The following QTGAL variants were observed in gnomAD, a reference collection of about 807,000 sequenced individuals.
The protein encoded by QTGAL is queuosine-tRNA galactosyltransferase.
the QTGAL span, among the ~76,000 whole-genome samples, chr17:82,958,606 G>C: frequency 6.6e-6 from 1 of 152,170 alleles, no homozygotes; most frequent in Non-Finnish European, 1.5e-5. Context: ...CAATGGGATG[G>C]GGGGGATGGG....
At chr17:83,028,664 A>G in the QTGAL span, among the ~76,000 whole-genome samples, 35,672 of 152,168 alleles carry the variant, frequency 0.23, 4,264 homozygotes, top group African/African-American at 0.28. Flanking sequence ...CGCAGAGCCC[A>G]CACTCTGCTG....
the QTGAL span, among the ~76,000 whole-genome samples, chr17:83,044,945 C>CAA: frequency 1.1e-3 from 149 of 131,820 alleles, no homozygotes; most frequent in South Asian, 9.3e-3. Flanking sequence ...GACTCTGTCT[C>CAA]AAAAAAAAAA....
At chr17:83,043,257 G>A in the QTGAL span, among the ~76,000 whole-genome samples, 18,214 of 152,170 alleles carry the variant, frequency 0.12, 1,205 homozygotes, top group African/African-American at 0.18. Context: ...TCCAGGACAG[G>A]TGACACGTCC....
chr17:83,044,565 C>T, the QTGAL span, among the ~76,000 whole-genome samples: 13 of 152,358 alleles, frequency 8.5e-5, no homozygotes, highest in African/African-American at 3.1e-4. Flanking sequence ...TTTTCCCCTA[C>T]AATTGCTTGG....
the QTGAL span, among the ~76,000 whole-genome samples, chr17:82,965,281 G>A: frequency 6.6e-6 from 1 of 151,382 alleles, no homozygotes; most frequent in South Asian, 2.1e-4. Flanking sequence ...GTGCACCCCC[G>A]GGGGGAGGAT....
the QTGAL span, among the ~76,000 whole-genome samples, chr17:83,034,640 G>A: frequency 2.6e-5 from 4 of 152,186 alleles, no homozygotes; most frequent in African/African-American, 9.7e-5. Context: ...CAATTCCCAC[G>A]TGTCGTGGGA....
At chr17:83,048,539 C>G in the QTGAL span, 1 of 1,614,120 alleles carries the variant, frequency 6.2e-7, no homozygotes. Flanking sequence ...CAGCTTCACT[C>G]TCCATTTTTC....
the QTGAL span, among the ~76,000 whole-genome samples, chr17:83,034,879 T>C: frequency 6.6e-6 from 1 of 152,268 alleles, no homozygotes; most frequent in Non-Finnish European, 1.5e-5. Flanking sequence ...GTCTCGGCTA[T>C]GTCCTCATCA....
the QTGAL span, among the ~76,000 whole-genome samples, chr17:82,951,327 A>G: frequency 6.6e-6 from 1 of 152,198 alleles, no homozygotes; most frequent in African/African-American, 2.4e-5. Context: ...CATATTACGG[A>G]GACGGCTTCT....
At chr17:83,013,672 C>T in the QTGAL span, among the ~76,000 whole-genome samples, 92 of 151,964 alleles carry the variant, frequency 6.1e-4, no homozygotes, top group African/African-American at 2.1e-3. Context: ...CGTGTGGTGA[C>T]CCAACCGCAC....
the QTGAL span, among the ~76,000 whole-genome samples, chr17:82,971,117 A>C: frequency 7.9e-5 from 12 of 152,286 alleles, 1 homozygote; most frequent in South Asian, 2.3e-3. Context: ...CCACACAGCC[A>C]CGCTGGGGGT....
At chr17:82,990,349 C>G in the QTGAL span, among the ~76,000 whole-genome samples, 1 of 152,236 alleles carries the variant, frequency 6.6e-6, no homozygotes. Flanking sequence ...GTGTGATCAG[C>G]TGGGAGGAAC....
chr17:83,005,305 G>A, the QTGAL span: 1 of 1,056,206 alleles, frequency 9.5e-7, no homozygotes, highest in Non-Finnish European at 1.4e-6. The surrounding 1 kb of genome is among the most constrained non-coding windows in gnomAD (Gnocchi z 5.6). Context: ...GTTTTAGGCA[G>A]AGATGTCCAG....
At chr17:82,949,377 A>G in the QTGAL span, 76,787 of 152,160 alleles carry the variant, frequency 0.5, 19,622 homozygotes, top group East Asian at 0.63. Context: ...TGAAACATCC[A>G]TATAATCGAA....
chr17:83,014,345 G>T, the QTGAL span: 1 of 1,219,364 alleles, frequency 8.2e-7, no homozygotes, highest in Non-Finnish European at 1.2e-6. Flanking sequence ...TGACTTGACA[G>T]TCTCACCATA....
At chr17:83,002,285 G>T in the QTGAL span, among the ~76,000 whole-genome samples, 1 of 152,128 alleles carries the variant, frequency 6.6e-6, no homozygotes, top group African/African-American at 2.4e-5. Flanking sequence ...CGGTGACAGC[G>T]CTCTGACCGC....
the QTGAL span, chr17:82,956,674 G>A: frequency 5.8e-6 from 9 of 1,541,654 alleles, no homozygotes; most frequent in East Asian, 2.4e-5. This position sits in a 1 kb window ranked among gnomAD's most constrained non-coding sequence, Gnocchi z 5.7. Flanking sequence ...GCCCTTCCAC[G>A]GCCAAGGGCC....
the QTGAL span, among the ~76,000 whole-genome samples, chr17:82,974,905 C>G: frequency 2.0e-5 from 3 of 151,280 alleles, no homozygotes; most frequent in African/African-American, 7.3e-5. Flanking sequence ...CCGGAGGCCA[C>G]TTATGGGGAA....
At chr17:82,978,968 C>A in the QTGAL span, 2 of 152,100 alleles carry the variant, frequency 1.3e-5, no homozygotes, top group African/African-American at 4.8e-5. This position sits in a 1 kb window ranked among gnomAD's most constrained non-coding sequence, Gnocchi z 4.8. Context: ...CTGTACAATG[C>A]GGCTGATGTA....
Sources: allele counts gnomAD v4.1 joint callset (sites outside exome capture counted in the v4.1 genomes callset), GRCh38; gene constraint gnomAD v4.1.1; non-coding constraint Gnocchi (gnomAD v3.1); transcripts MANE v1.5; gene names NCBI Gene and HGNC (gene_info 2026-07-23, HGNC 2026-07-21).